Variants in GBF1 observed in about 807,000 individuals in gnomAD.
GBF1 encodes the protein golgi brefeldin A resistant guanine nucleotide exchange factor 1.
In GBF1, 114 loss-of-function variants were observed where a neutral mutation model predicts 210.5. The ratio of observed to expected loss-of-function variants is 0.54; its 90% confidence interval spans 0.47 to 0.63. The LOEUF is 0.63. Ranked by LOEUF, GBF1 falls within the 30% of genes least tolerant of loss-of-function variation. GBF1 has a pLI of 0.00. For missense variants in GBF1, 1,851 were observed against 2,357.7 expected (o/e 0.79, Z 4.45); for synonymous variants, 850 against 889.2 (o/e 0.96, Z 0.78).
chr10:102,318,851 C>G (rs1329853323), intron 3 of GBF1, among the ~76,000 whole-genome samples: 6 of 152,242 alleles, frequency 3.9e-5, no homozygotes, highest in Non-Finnish European at 4.4e-5. Context: ...ATACTCACCA[C>G]CCCATTCTCC....
chr10:102,231,919 A>T, the GBF1 span: 1 of 1,564,480 alleles, frequency 6.4e-7, no homozygotes, highest in Non-Finnish European at 8.8e-7. Flanking sequence ...CGCACTGGGG[A>T]TGAAGCTGTT....
rs769798041 is a variant in GBF1 at position 102,376,361 on chromosome 10, G to T, written c.3976G>T (p.Asp1326Tyr). The change falls in exon 31 of 40, where the codon GAC becomes TAC. Residue 1326 changes from aspartate to tyrosine, a missense_variant. Asp to Tyr is a radical substitution (Grantham distance 160). This residue lies in a region of GBF1 where 967 missense variants were observed against 1,247.7 expected (regional missense o/e 0.78). Transcript: ENST00000369983. Reference sequence around the variant, plus strand: ...CACTTCCGACTCAGAGGTCTACACTGACCATGGCAGGCCGGGCAAGATACA... The same window carrying T: ...CACTTCCGACTCAGAGGTCTACACTTACCATGGCAGGCCGGGCAAGATACA... ...GYTSDSEVYTDHGRPGKIHRS... is the reference protein window; with the variant it reads ...GYTSDSEVYTYHGRPGKIHRS... The T allele has an allele frequency of 1.9e-6, 3 of 1,614,130 alleles. No individual in the cohort carries two copies. The highest frequency in any genetic ancestry group is 2.5e-6 in the Non-Finnish European group (3 of 1,180,002).
intron 7 of GBF1, among the ~76,000 whole-genome samples, chr10:102,353,184 G>A (rs79422801): frequency 0.01 from 1,559 of 152,096 alleles, 22 homozygotes; most frequent in African/African-American, 0.036. Context: ...AGAATTTTTT[G>A]CTCCTCAGGC....
At chr10:102,255,101 C>T (rs1002563178) in intron 1 of GBF1, among the ~76,000 whole-genome samples, 7 of 152,058 alleles carry the variant, frequency 4.6e-5, no homozygotes, top group Middle Eastern at 3.2e-3. Flanking sequence ...AATGCAGTGG[C>T]GCGATCTCGG....
intron 3 of GBF1, among the ~76,000 whole-genome samples, chr10:102,291,541 A>G (rs2133661515): frequency 6.6e-6 from 1 of 152,270 alleles, no homozygotes; most frequent in South Asian, 2.1e-4. Flanking sequence ...TTTAGAGGAA[A>G]TGTTACTGTT....
chr10:102,322,899 A>AGTT (rs2056544978), intron 3 of GBF1, among the ~76,000 whole-genome samples: 1 of 152,084 alleles, frequency 6.6e-6, no homozygotes, highest in Non-Finnish European at 1.5e-5. Flanking sequence ...CCTGGGTGAC[A>AGTT]GAGCAAGACT....
At chr10:102,273,357 T>TA (rs567006222) in intron 3 of GBF1, among the ~76,000 whole-genome samples, 5 of 151,730 alleles carry the variant, frequency 3.3e-5, no homozygotes, top group African/African-American at 4.8e-5. Flanking sequence ...AAATAAAAAA[T>TA]AAAAAAAAGA....
At chr10:102,249,399 G>A (rs1427088476) in intron 1 of GBF1, among the ~76,000 whole-genome samples, 1 of 152,136 alleles carries the variant, frequency 6.6e-6, no homozygotes, top group Non-Finnish European at 1.5e-5. Context: ...AACGGTTTTT[G>A]AGATACTCTC....
intron 3 of GBF1, among the ~76,000 whole-genome samples, chr10:102,319,194 C>T (rs1484494360): frequency 6.6e-6 from 1 of 152,158 alleles, no homozygotes; most frequent in African/African-American, 2.4e-5. Context: ...GTGGCAGGTG[C>T]CTGTAGTCCC....
At chr10:102,287,289 C>T (rs562364823) in intron 3 of GBF1, among the ~76,000 whole-genome samples, 1 of 150,160 alleles carries the variant, frequency 6.7e-6, no homozygotes, top group East Asian at 1.9e-4. Context: ...CAAAATGTGG[C>T]AGCTTAAAAT....
In GBF1 at chr10:102,369,390, A is replaced by C; in HGVS notation, c.3150+3A>C. On this transcript the variant is annotated splice_donor_region_variant and intron_variant, in intron 24 of 39. Coordinates refer to ENST00000369983, the MANE Select transcript of GBF1 (RefSeq NM_001377137.1). ...TACTGCCCAAGGCTATGATAGAGGT[A>C]ATTCTTAGTAGGAGACTAGTGAGCG... The C allele has an allele frequency of 6.2e-7, 1 of 1,606,474 alleles. No individual in the cohort carries two copies. The highest frequency in any genetic ancestry group is 8.5e-7 in the Non-Finnish European group (1 of 1,173,276).
At chr10:102,246,425 C>T (rs1164160493) in intron 1 of GBF1, among the ~76,000 whole-genome samples, 5 of 152,176 alleles carry the variant, frequency 3.3e-5, no homozygotes, top group Non-Finnish European at 7.3e-5. Context: ...CTGTTTGTTC[C>T]TTTATACAAT....
intron 1 of GBF1, among the ~76,000 whole-genome samples, chr10:102,252,731 C>T (rs2071725693): frequency 1.3e-5 from 2 of 151,920 alleles, no homozygotes; most frequent in African/African-American, 2.4e-5. Context: ...CCTGTAGTTC[C>T]AGCTACTTGG....
intron 3 of GBF1, among the ~76,000 whole-genome samples, chr10:102,262,444 G>A (rs2073356919): frequency 6.6e-6 from 1 of 152,096 alleles, no homozygotes; most frequent in African/African-American, 2.4e-5. Context: ...TGAATTCAGA[G>A]TACTGTCTTC....
upstream of GBF1, among the ~76,000 whole-genome samples, chr10:102,242,928 C>CAAAAAAAAAAAAAAAAA (rs58301527): frequency 9.8e-5 from 13 of 132,408 alleles, no homozygotes; most frequent in African/African-American, 2.9e-4. Flanking sequence ...GACTCTGTCT[C>CAAAAAAAAAAAAAAAAA]AAAAAAAAAA....
chr10:102,288,748 A>AC (rs2076194299), intron 3 of GBF1, among the ~76,000 whole-genome samples: 1 of 150,430 alleles, frequency 6.6e-6, no homozygotes, highest in East Asian at 2.0e-4. Context: ...AAAAAAAAAA[A>AC]CGAAATTACT....
intron 1 of GBF1, 108 bp from the exon 2 acceptor site, chr10:102,258,821 T>C: frequency 1.7e-6 from 1 of 598,892 alleles, no homozygotes. Context: ...ATCTTGGTAC[T>C]GAAAAGTTAA....
chr10:102,298,013 C>CA (rs1230896692), intron 3 of GBF1, among the ~76,000 whole-genome samples: 1 of 152,152 alleles, frequency 6.6e-6, no homozygotes, highest in African/African-American at 2.4e-5. Flanking sequence ...CAGCTCACTG[C>CA]AACCTCCGCC....
Position 102,381,159 on chromosome 10 carries a change from CCT to C in GBF1, c.5210_5211del (p.Leu1737ArgfsTer13), listed in dbSNP as rs765462235. ...GCCCATGGAGCCTCAAGGCCAAAAGCCTCTCGCCTCAGCCCACCTGACTTCCG... is the reference window on the plus strand; with the variant it reads ...GCCCATGGAGCCTCAAGGCCAAAAGCCTCGCCTCAGCCCACCTGACTTCCG... ...PMPMEPQGQK[P>X]LASAHLTSAA... is the part of the protein sequence containing the mutation. On this transcript the variant is annotated frameshift_variant, in exon 39 of 40. Transcript: ENST00000369983. LOFTEE classifies it high-confidence loss of function. The C allele has an allele frequency of 1.2e-6, 2 of 1,613,942 alleles. No individual in the cohort carries two copies. The highest frequency in any genetic ancestry group is 1.7e-6 in the Non-Finnish European group (2 of 1,179,896).
Sources: gnomAD v4.1 joint callset for allele counts (sites outside exome capture counted in the v4.1 genomes callset) on GRCh38, gnomAD v4.1.1 for gene constraint, gnomAD v4.1.1 regional missense constraint, MANE v1.5 for transcripts, NCBI Gene and HGNC (gene_info 2026-07-23, HGNC 2026-07-21) for gene names.